The following GRM3 variants were observed in gnomAD, a reference collection of about 807,000 sequenced individuals.
GRM3 encodes the protein metabotropic glutamate receptor 3.
A neutral mutation model predicts 70.5 loss-of-function variants in GRM3; 26 were observed. The ratio of observed to expected loss-of-function variants is 0.37; its 90% CI spans 0.27 to 0.51. The LOEUF is 0.51. Among genes scored for constraint, GRM3 ranks in the 20% least tolerant of loss-of-function variants. The probability of loss-of-function intolerance (pLI) is 0.93; values close to 1 mark genes in which losing one functional copy is unlikely to be tolerated. For missense variants in GRM3, 859 were observed against 1,123.8 expected, an observed-to-expected ratio of 0.76 and a Z score of 3.37; for synonymous variants, 443 against 434.9, an observed-to-expected ratio of 1.02 and a Z score of -0.23.
chr7:86,691,081 AG>A (rs1794684806), intron 1 of GRM3, among the ~76,000 whole-genome samples: 1 of 152,116 alleles, frequency 6.6e-6, no homozygotes, highest in Admixed American at 6.6e-5. Flanking sequence ...CAGAAATCCT[AG>A]ATTCTTCTCT....
intron 1 of GRM3, among the ~76,000 whole-genome samples, chr7:86,660,057 A>G (rs1562816248): frequency 6.6e-6 from 1 of 152,078 alleles, no homozygotes; most frequent in Non-Finnish European, 1.5e-5. Flanking sequence ...AGCTATCAGA[A>G]TAGTATATTT....
intron 3 of GRM3, among the ~76,000 whole-genome samples, chr7:86,804,458 G>A (rs1797746277): frequency 6.6e-6 from 1 of 152,150 alleles, no homozygotes; most frequent in African/African-American, 2.4e-5. Context: ...CGCCCAGGCT[G>A]GAGTACAATG....
At chr7:86,699,980 G>A (rs187799455) in intron 1 of GRM3, among the ~76,000 whole-genome samples, 79 of 152,018 alleles carry the variant, frequency 5.2e-4, no homozygotes, top group Non-Finnish European at 7.8e-4. Context: ...GTCATTAAGA[G>A]GTAACCCACA....
At chr7:86,809,047 T>A (rs1246397183) in intron 3 of GRM3, among the ~76,000 whole-genome samples, 1 of 152,000 alleles carries the variant, frequency 6.6e-6, no homozygotes, top group Non-Finnish European at 1.5e-5. Context: ...AAAAAGCTAA[T>A]AAAGAAACCT....
At chr7:86,729,337 C>CG (rs1333724660) in intron 1 of GRM3, among the ~76,000 whole-genome samples, 2 of 152,158 alleles carry the variant, frequency 1.3e-5, no homozygotes, top group Non-Finnish European at 2.9e-5. Context: ...TCTAATCTAA[C>CG]ATTCTTAGAA....
At chr7:86,721,740 C>A (rs1274729406) in intron 1 of GRM3, among the ~76,000 whole-genome samples, 1 of 151,992 alleles carries the variant, frequency 6.6e-6, no homozygotes, top group Admixed American at 6.6e-5. Context: ...TATTTGTTAC[C>A]TTGTCAAGGG....
rs142988059 is a variant in GRM3, at chr7:86,718,638, C to T, written c.-140-46368C>T. On this transcript the variant is annotated intron_variant, in intron 1 of 5. Coordinates refer to ENST00000361669, the MANE Select transcript of GRM3 (RefSeq NM_000840.3). ...ACAGTCACCACCTGCCTCTGTAAGG[C>T]AAGTCTGCATAGTGGGAGAGATGGT... is the stretch of plus-strand genomic sequence containing the variant. Among the ~76,000 whole-genome samples, 23 of 151,996 alleles carry T rather than the reference C, an allele frequency of 1.5e-4. No homozygotes were observed. In the East Asian group the frequency reaches 4.5e-3, roughly 30 times the overall value.
At position 86,861,939 on chromosome 7, in the gene GRM3, G is replaced by A. The variant is rs143349441; in HGVS notation, c.2567-2343G>A. 3.2e-4 allele frequency among the ~76,000 whole-genome samples: 48 copies of A among 152,328 alleles called. No homozygotes were observed. In the East Asian group the frequency reaches 7.7e-3, roughly 24 times the overall value. On this transcript the variant is annotated intron_variant, in intron 5 of 5. Coordinates refer to ENST00000361669, the MANE Select transcript of GRM3 (RefSeq NM_000840.3). ...CAATGATCAGGAGAAACATCATGGT[G>A]GGTTGCCCCAGGGTGGTAGATGCAA...
At chr7:86,666,256 C>T (rs970212736) in intron 1 of GRM3, among the ~76,000 whole-genome samples, 3 of 151,980 alleles carry the variant, frequency 2.0e-5, no homozygotes, top group Admixed American at 1.3e-4. Flanking sequence ...GATTAGCTTC[C>T]CTTTTCTCAA....
At chr7:86,721,665 G>A (rs1795467200) in intron 1 of GRM3, among the ~76,000 whole-genome samples, 1 of 152,020 alleles carries the variant, frequency 6.6e-6, no homozygotes, top group Non-Finnish European at 1.5e-5. Context: ...TCGAGCCAAA[G>A]GGGTTAAATG....
At chr7:86,698,480 C>T (rs566453530) in intron 1 of GRM3, among the ~76,000 whole-genome samples, 1 of 149,470 alleles carries the variant, frequency 6.7e-6, no homozygotes, top group Non-Finnish European at 1.5e-5. Flanking sequence ...TTTCCACAGC[C>T]CTTTTACCTG....
chr7:86,860,093 T>G (rs995509469), intron 5 of GRM3, among the ~76,000 whole-genome samples: 1 of 152,104 alleles, frequency 6.6e-6, no homozygotes, highest in African/African-American at 2.4e-5. Flanking sequence ...AAGCCAAAAA[T>G]AGGGCTACAT....
chr7:86,836,570 T>C (rs887845499), intron 3 of GRM3, among the ~76,000 whole-genome samples: 1 of 152,174 alleles, frequency 6.6e-6, no homozygotes, highest in African/African-American at 2.4e-5. Flanking sequence ...AGGCTCTGAA[T>C]TGGGTCAGAA....
intron 1 of GRM3, among the ~76,000 whole-genome samples, chr7:86,681,538 CT>C (rs1229148640): frequency 1.3e-5 from 2 of 152,020 alleles, no homozygotes; most frequent in Non-Finnish European, 2.9e-5. Flanking sequence ...ATCAATGGCT[CT>C]GTTTTTTAAT....
intron 3 of GRM3, among the ~76,000 whole-genome samples, chr7:86,825,043 A>C (rs1191924619): frequency 6.6e-6 from 1 of 152,112 alleles, no homozygotes; most frequent in African/African-American, 2.4e-5. Context: ...TCAAAATAGA[A>C]ATTATGGGAC....
intron 1 of GRM3, among the ~76,000 whole-genome samples, chr7:86,664,078 GTTCTTATCCAAGAACAACA>G (rs1421118943): frequency 6.6e-6 from 1 of 151,914 alleles, no homozygotes; most frequent in Non-Finnish European, 1.5e-5. Flanking sequence ...GTTGAGGGTT[GTTCTTATCCAAGAACAACA>G]GAAAATCATT....
chr7:86,753,288 TA>T (rs978864461), intron 1 of GRM3, among the ~76,000 whole-genome samples: 1 of 152,108 alleles, frequency 6.6e-6, no homozygotes, highest in African/African-American at 2.4e-5. Flanking sequence ...CATTTAATCC[TA>T]AAAAAACATG....
chr7:86,756,738 T>C (rs887775969), intron 1 of GRM3, among the ~76,000 whole-genome samples: 3 of 152,176 alleles, frequency 2.0e-5, no homozygotes, highest in African/African-American at 7.2e-5. Flanking sequence ...TTTTGTAATC[T>C]TATGTTTATC....
At chr7:86,714,667 A>G (rs1030571240) in intron 1 of GRM3, among the ~76,000 whole-genome samples, 1 of 152,080 alleles carries the variant, frequency 6.6e-6, no homozygotes, top group African/African-American at 2.4e-5. Context: ...AGTTATAAAG[A>G]TTCAATTTAT....
Sources: gnomAD v4.1 joint callset for allele counts (sites outside exome capture counted in the v4.1 genomes callset) on GRCh38, gnomAD v4.1.1 for gene constraint, MANE v1.5 for transcripts, NCBI Gene and HGNC (gene_info 2026-07-23, HGNC 2026-07-21) for gene names.